DNAAF1: variants seen among roughly 807,000 people sequenced by gnomAD.
DNAAF1 encodes the protein dynein assembly factor 1, axonemal.
DNAAF1 carries 65 observed loss-of-function variants against 71.1 expected under a neutral mutation model. The ratio of observed to expected loss-of-function variants is 0.91; its 90% CI spans 0.75 to 1.12. The LOEUF is 1.12. Among genes scored for constraint, DNAAF1 ranks in the 50% most tolerant of loss-of-function variants. DNAAF1 has a pLI of 0.00. For missense variants in DNAAF1, 1,178 were observed against 899.8 expected (o/e 1.31, Z -3.96); for synonymous variants, 414 against 354.6 (o/e 1.17, Z -1.88).
At chr16:84,154,953 G>T (rs552044600) in intron 4 of DNAAF1, among the ~76,000 whole-genome samples, 155 bp downstream of exon 4, 1 of 151,726 alleles carries the variant, frequency 6.6e-6, no homozygotes, top group South Asian at 2.1e-4. Flanking sequence ...CTGTCGCCCA[G>T]GCTGGAGTGC....
chr16:84,165,715 C>A (rs559769510), intron 6 of DNAAF1, 68 bp from the exon 7 acceptor site: 2 of 1,462,662 alleles, frequency 1.4e-6, no homozygotes, highest in East Asian at 4.5e-5. Context: ...AGAAAATGAG[C>A]AAGTTGATCA....
intron 6 of DNAAF1, 107 bp from the exon 7 acceptor site, chr16:84,165,676 G>T (rs1191702444): frequency 9.2e-7 from 1 of 1,091,072 alleles, no homozygotes; most frequent in East Asian, 2.4e-5. Context: ...GCAGTCACAT[G>T]TCTGATGCTC....
chr16:84,169,825 C>T (rs1270699528), intron 7 of DNAAF1, 34 bp from the exon 8 acceptor site: 2 of 1,612,686 alleles, frequency 1.2e-6, no homozygotes, highest in Admixed American at 3.3e-5. Flanking sequence ...TCCCAGGACA[C>T]TCCCACATTC....
rs757158615 is a variant in DNAAF1 at position 84,177,775 on chromosome 16, T to TGCCCA, written c.2121_2125dup (p.Gln709ProfsTer28). 1.9e-6 allele frequency: 3 copies of TGCCCA among 1,614,068 alleles called. No individual in the cohort carries two copies. The South Asian group carries it at 3.3e-5, about 18-fold the overall frequency. On this transcript the variant is annotated frameshift_variant, in exon 12 of 12. Transcript: ENST00000378553. LOFTEE classifies it low-confidence loss of function (END_TRUNC). ...CACCCCCAGAGACGTGTGTCGGAGT[T>TGCCCA]GCCCAGCCCAGCCAAGCTCTGCCCA...
intron 9 of DNAAF1, chr16:84,172,763 T>A (rs933824983): frequency 1.8e-6 from 2 of 1,141,494 alleles, no homozygotes; most frequent in African/African-American, 3.2e-5. Flanking sequence ...TCAGTTACAT[T>A]GTATCTTTAT....
chr16:84,174,507 C>G, intron 9 of DNAAF1, 162 bp from the exon 10 acceptor site: 2 of 1,530,568 alleles, frequency 1.3e-6, no homozygotes, highest in Non-Finnish European at 8.8e-7. Context: ...TTGTGTGTAT[C>G]TAGAGTTCCT....
rs1387386965 is a variant in DNAAF1 at position 84,149,064 on chromosome 16, A to C, written c.182A>C (p.Gln61Pro). The C allele has an allele frequency of 5.0e-6, 8 of 1,614,066 alleles. No homozygotes were observed. Among genetic ancestry groups the C allele is most frequent in the Middle Eastern group, 1.6e-4 (1 of 6,084 alleles). The change falls in exon 2 of 12, where the codon CAG becomes CCG. Residue 61 changes from glutamine to proline, a missense_variant. By Grantham distance (76) the Gln-to-Pro change is moderately conservative. Transcript: ENST00000378553. Reference protein sequence around the residue: ...VGSSDTSYHSQQKQSGDNGSG... With the variant: ...VGSSDTSYHSPQKQSGDNGSG... ...TCTTCTGACACATCCTACCACAGCC[A>C]GCAGAAACAGAGTGGTGATAATGGG...
intron 5 of DNAAF1, among the ~76,000 whole-genome samples, 194 bp downstream of exon 5, chr16:84,155,943 CAGTGTGTGCCTCTAACAGATA>C (rs1254141960): frequency 6.6e-6 from 1 of 151,910 alleles, no homozygotes; most frequent in Non-Finnish European, 1.5e-5. Flanking sequence ...ACAAATAGTT[CAGTGTGTGCCTCTAACAGATA>C]AGGACTTTTT....
intron 6 of DNAAF1, among the ~76,000 whole-genome samples, chr16:84,163,108 T>G (rs1019926688): frequency 6.6e-6 from 1 of 152,222 alleles, no homozygotes; most frequent in African/African-American, 2.4e-5. Context: ...CCATCAACTT[T>G]CAGAAATTAG....
Position 84,151,156 on chromosome 16 carries a change from G to A in DNAAF1, c.352+814G>A, listed in dbSNP as rs756415172. 6.6e-4 allele frequency among the ~76,000 whole-genome samples: 100 copies of A among 152,096 alleles called. 1 individual carries two copies. Among genetic ancestry groups the A allele is most frequent in the Non-Finnish European group, 2.1e-4 (14 of 68,006 alleles). On this transcript the variant is annotated intron_variant, in intron 3 of 11. Transcript: ENST00000378553. ...GGCTTCCAGTCTGTGCTGATGGGGT[G>A]ACCAGCTTGCTCATCAGTCCTCTCA... is the stretch of plus-strand genomic sequence containing the variant.
Position 84,159,754 on chromosome 16 carries a change from A to C in DNAAF1, c.821A>C (p.His274Pro). 1 of 1,614,074 alleles carries C rather than the reference A, an allele frequency of 6.2e-7. No individual in the cohort carries two copies. Among genetic ancestry groups the C allele is most frequent in the East Asian group, 2.2e-5 (1 of 44,862 alleles). The change falls in exon 6 of 12, where the codon CAC (histidine) becomes CCC (proline). Residue 274 changes from histidine to proline, a missense_variant. Transcript: ENST00000378553. ...AGGACAGTCACTGTACGACTAAAGC[A>C]CTTAACATACCTGGATGATAGACCA... is the stretch of plus-strand genomic sequence containing the variant. ...YRRTVTVRLKHLTYLDDRPVF... is the reference protein window; with the variant it reads ...YRRTVTVRLKPLTYLDDRPVF...
At chr16:84,147,234 T>G (rs994140025) in intron 1 of DNAAF1, among the ~76,000 whole-genome samples, 1 of 152,232 alleles carries the variant, frequency 6.6e-6, no homozygotes, top group East Asian at 1.9e-4. Context: ...CGCTTATTCT[T>G]TATTTTTTCC....
At chr16:84,167,798 C>G (rs1233511199) in intron 7 of DNAAF1, among the ~76,000 whole-genome samples, 4 of 151,970 alleles carry the variant, frequency 2.6e-5, no homozygotes, top group Admixed American at 2.6e-4. Context: ...GGTGGATCAC[C>G]TGAGGTAAGG....
intron 11 of DNAAF1, 102 bp from the exon 12 acceptor site, chr16:84,177,626 GT>G (rs1396169703): frequency 1.0e-6 from 1 of 969,062 alleles, no homozygotes; most frequent in South Asian, 1.3e-5. Context: ...ACCACGCCCA[GT>G]TGAGGACACT....
intron 9 of DNAAF1, chr16:84,172,749 A>C (rs974834970): frequency 1.1e-5 from 13 of 1,154,410 alleles, no homozygotes; most frequent in South Asian, 1.9e-5. Flanking sequence ...GTTACATTGT[A>C]TCATCAGTTA....
intron 7 of DNAAF1, among the ~76,000 whole-genome samples, chr16:84,167,754 G>A (rs1279946223): frequency 4.6e-5 from 7 of 152,216 alleles, no homozygotes; most frequent in South Asian, 2.1e-4. Context: ...GGTGGCTCAT[G>A]CCTGTAATCC....
intron 9 of DNAAF1, chr16:84,174,353 G>T (rs1050958482): frequency 1.6e-5 from 20 of 1,273,916 alleles, no homozygotes; most frequent in Non-Finnish European, 1.8e-5. Context: ...TTTGGTTTGG[G>T]TCCCATTATT....
At chr16:84,147,324 C>A (rs1349681059) in intron 1 of DNAAF1, among the ~76,000 whole-genome samples, 2 of 152,200 alleles carry the variant, frequency 1.3e-5, no homozygotes, top group African/African-American at 4.8e-5. Flanking sequence ...CCCACACGCA[C>A]AGCCTTTAGT....
At position 84,159,735 on chromosome 16, in the gene DNAAF1, G is replaced by A; in HGVS notation, c.802G>A (p.Val268Ile). 2 of 1,614,018 alleles carry A rather than the reference G, an allele frequency of 1.2e-6. No homozygotes were observed. The highest frequency in any genetic ancestry group is 1.7e-6 in the Non-Finnish European group (2 of 1,179,910). ...IRQIPNYRRTVTVRLKHLTYL... is the reference protein window; with the variant it reads ...IRQIPNYRRTITVRLKHLTYL... ...ACAGATTCCTAATTACAGAAGGACA[G>A]TCACTGTACGACTAAAGCACTTAAC... The change falls in exon 6 of 12, where the codon GTC (valine) becomes ATC (isoleucine). Residue 268 changes from valine to isoleucine, a missense_variant. Val to Ile is a conservative substitution (Grantham distance 29). Coordinates refer to ENST00000378553, the MANE Select transcript of DNAAF1 (RefSeq NM_178452.6).
Sources: gnomAD v4.1 joint callset for allele counts (sites outside exome capture counted in the v4.1 genomes callset) on GRCh38, gnomAD v4.1.1 for gene constraint, MANE v1.5 for transcripts, NCBI Gene and HGNC (gene_info 2026-07-23, HGNC 2026-07-21) for gene names.